LSR: variants seen among roughly 807,000 people sequenced by gnomAD.
LSR encodes the protein lipolysis-stimulated lipoprotein receptor.
LSR carries 44 observed loss-of-function variants against 61.8 expected under a neutral mutation model. That is an observed-to-expected ratio of 0.71 (90% CI 0.56 to 0.91). The LOEUF (loss-of-function observed/expected upper bound fraction) is 0.91, where lower values mean the gene tolerates loss of function less well. LSR is among the 40% of genes least tolerant of loss of function. The pLI, the probability that LSR is intolerant of heterozygous loss-of-function variation, is 0.00. For missense variants in LSR, 911 were observed against 830.5 expected (o/e 1.10, Z -1.19); for synonymous variants, 397 against 350.6 (o/e 1.13, Z -1.48).
At chr19:35,258,340 G>A (rs1416949584) in intron 2 of LSR, among the ~76,000 whole-genome samples, 2 of 152,142 alleles carry the variant, frequency 1.3e-5, no homozygotes, top group Non-Finnish European at 2.9e-5. Flanking sequence ...CAGCTACATG[G>A]GAGGCTGAGG....
intron 2 of LSR, among the ~76,000 whole-genome samples, chr19:35,256,825 G>T (rs911568498): frequency 6.6e-6 from 1 of 151,850 alleles, no homozygotes; most frequent in African/African-American, 2.4e-5. Context: ...GAGGAGAGGG[G>T]GTTCGTTTCC....
At position 35,262,600 on chromosome 19, in the gene LSR, T is replaced by C; in HGVS notation, c.686T>C (p.Leu229Pro). ...GCTGCCTTCCTCATCTTCCTCCTCC[T>C]GGGCATCTGCTGGTGCCAGTGCTGC... ...CLAAFLIFLL[L>P]GICWCQCCPH... The change falls in exon 5 of 10, where the codon CTG (leucine) becomes CCG (proline). Residue 229 changes from leucine to proline, a missense_variant. Physicochemically the swap from Leu to Pro is moderately conservative, Grantham distance 98. Coordinates refer to ENST00000605618, the MANE Select transcript of LSR (RefSeq NM_205834.4). The C allele has an allele frequency of 6.2e-7, 1 of 1,614,246 alleles. No homozygotes were observed. Among genetic ancestry groups the C allele is most frequent in the Non-Finnish European group, 8.5e-7 (1 of 1,180,036 alleles).
intron 4 of LSR, among the ~76,000 whole-genome samples, chr19:35,262,265 G>A (rs988010809): frequency 6.6e-6 from 1 of 152,108 alleles, no homozygotes; most frequent in African/African-American, 2.4e-5. Context: ...TGGTCTGGGG[G>A]CTGCAGTCTG....
rs1320074655 is a variant in LSR at position 35,262,546 on chromosome 19, A to G, written c.632A>G (p.Asp211Gly). The G allele has an allele frequency of 3.1e-6, 5 of 1,614,136 alleles. No individual in the cohort carries two copies. Among genetic ancestry groups the G allele is most frequent in the Non-Finnish European group, 4.2e-6 (5 of 1,180,010 alleles). ...CTCAGGGCCTGTTGTCTTTCTGCAG[A>G]CTGGCTCTTCGTGGTTGTGGTATGC... ...LPGFQAGPIE[D>G]WLFVVVVCLA... is the part of the protein sequence containing the mutation. The change falls in exon 5 of 10, where the codon GAC becomes GGC. Residue 211 changes from aspartate to glycine, a missense_variant and splice_region_variant. Transcript: ENST00000605618.
intron 2 of LSR, among the ~76,000 whole-genome samples, chr19:35,258,072 G>A (rs1033618369): frequency 7.9e-5 from 12 of 152,150 alleles, no homozygotes; most frequent in African/African-American, 2.9e-4. Context: ...GTCTACACTA[G>A]GCCCTGTGGG....
chr19:35,250,655 C>T lies in LSR; in HGVS notation c.450C>T (p.Thr150=), dbSNP rs375950897. 25 of 1,554,112 alleles carry T rather than the reference C, an allele frequency of 1.6e-5. No homozygotes were observed. The highest frequency in any genetic ancestry group is 2.7e-5 in the African/African-American group (2 of 73,938). ...DYYQGRRITI[T]GNADLTFDQT... ...ACCAGGGCCGGAGGATTACCATCAC[C>T]GGAAGTATGTTGGGCAGGGCAGGGG... The change falls in exon 2 of 10, where the codon ACC becomes ACT. Residue 150 remains threonine, a synonymous_variant. Transcript: ENST00000605618.
chr19:35,249,047 TC>T lies in LSR; in HGVS notation c.27del (p.Arg10GlufsTer35). On this transcript the variant is annotated frameshift_variant, in exon 1 of 10. Coordinates refer to ENST00000605618, the MANE Select transcript of LSR (RefSeq NM_205834.4). LOFTEE classifies it high-confidence loss of function. MALLAGGLSRGLGSHPAAA... is the reference protein window; with the variant it reads MALLAGGLXRGLGSHPAAA... ...GATGGCGCTGTTGGCCGGCGGGCTC[TC>T]CAGAGGGCTGGGCTCCCACCCGGCC... The T allele has an allele frequency of 1.3e-6, 2 of 1,587,676 alleles. No homozygotes were observed. The highest frequency in any genetic ancestry group is 1.7e-6 in the Non-Finnish European group (2 of 1,167,966).
chr19:35,262,877 GTTTATT>G (rs1158966074), intron 5 of LSR, 185 bp downstream of exon 5: 27 of 628,382 alleles, frequency 4.3e-5, no homozygotes, highest in Admixed American at 1.6e-4. Context: ...CCAACTTTTA[GTTTATT>G]TTTATTTATG....
chr19:35,257,678 T>C (rs1041941602), intron 2 of LSR, among the ~76,000 whole-genome samples: 3 of 152,066 alleles, frequency 2.0e-5, no homozygotes, highest in Non-Finnish European at 4.4e-5. Context: ...CTGAGGGCAT[T>C]TCCTGCCCGA....
At position 35,254,683 on chromosome 19, in the gene LSR, T is replaced by A. The variant is rs114795519; in HGVS notation, c.454+4024T>A. The stretch of plus-strand genomic sequence containing the variant: ...AGAGGTTGGAGATGTGGAGGAGGCC[T>A]GGCTGCTGTTCCCACTGGAGACCTG... On this transcript the variant is annotated intron_variant, in intron 2 of 9. Transcript: ENST00000605618. Among the ~76,000 whole-genome samples the A allele has an allele frequency of 6.1e-3, 932 of 152,276 alleles. 12 individuals carry two copies. The highest frequency in any genetic ancestry group is 0.021 in the African/African-American group (865 of 41,562).
At chr19:35,252,806 A>C (rs1463660016) in intron 2 of LSR, among the ~76,000 whole-genome samples, 2 of 151,998 alleles carry the variant, frequency 1.3e-5, no homozygotes, top group African/African-American at 4.8e-5. Context: ...TGAGCCTAGG[A>C]GTTTGAGACC....
In LSR at chr19:35,266,301, T is replaced by C. The variant is rs529894398; in HGVS notation, c.779-58T>C. On this transcript the variant is annotated intron_variant, in intron 5 of 9. Transcript: ENST00000605618. ...CCAGGTCCCTCCGGAACCCAATGGGTATGGGGCAGCCTGGCTCCTGCCTCA... is the reference window on the plus strand; with the variant it reads ...CCAGGTCCCTCCGGAACCCAATGGGCATGGGGCAGCCTGGCTCCTGCCTCA... 1.7e-5 allele frequency: 25 copies of C among 1,439,236 alleles called. No homozygotes were observed. In the Admixed American group the frequency reaches 4.7e-4, roughly 27 times the overall value. The allele number at this position is 1,439,236 out of a possible 1,614,324, so 89.2% of individuals were successfully genotyped here. A position where few individuals can be genotyped will look rare whatever the true frequency, so the allele number is the denominator to read the frequency against.
chr19:35,267,960 CACAAGCTCTGGAGA>C, exon 10 of LSR: 6 of 1,416,970 alleles, frequency 4.2e-6, no homozygotes, highest in Non-Finnish European at 5.9e-6. Flanking sequence ...AACGTATAAT[CACAAGCTCTGGAGA>C]GAACCATTTG....
chr19:35,265,177 T>C (rs2065980775), intron 5 of LSR, among the ~76,000 whole-genome samples: 1 of 152,178 alleles, frequency 6.6e-6, no homozygotes, highest in Admixed American at 6.5e-5. Flanking sequence ...AGCTGACAGC[T>C]TTTTGCTCAG....
At chr19:35,250,754 T>G in intron 2 of LSR, 95 bp downstream of exon 2, 3 of 951,150 alleles carry the variant, frequency 3.2e-6, no homozygotes, top group Non-Finnish European at 3.0e-6. Flanking sequence ...CTGAAAGCTC[T>G]TGAGTGCCAG....
intron 4 of LSR, 118 bp from the exon 5 acceptor site, chr19:35,262,428 G>A (rs2065942080): frequency 8.5e-7 from 1 of 1,181,438 alleles, no homozygotes; most frequent in African/African-American, 1.5e-5. Flanking sequence ...AGGTTCCTTG[G>A]TGAGCTTTGC....
intron 2 of LSR, among the ~76,000 whole-genome samples, chr19:35,257,259 C>T (rs750786185): frequency 6.6e-6 from 1 of 152,132 alleles, no homozygotes; most frequent in Non-Finnish European, 1.5e-5. Context: ...AAAGGATGGT[C>T]GGCCCCTAAG....
intron 5 of LSR, among the ~76,000 whole-genome samples, chr19:35,263,550 C>T (rs2103412): frequency 7.2e-5 from 11 of 152,158 alleles, no homozygotes; most frequent in South Asian, 4.1e-4. Flanking sequence ...TTTGTAGAGA[C>T]GGGGTCTCAG....
chr19:35,250,803 T>TG (rs2065784204), intron 2 of LSR, 144 bp downstream of exon 2: 2 of 608,580 alleles, frequency 3.3e-6, no homozygotes, highest in Middle Eastern at 4.5e-4. Context: ...TTCTTTTTTT[T>TG]TTTTTTTTTG....
Sources: gnomAD v4.1 joint callset for allele counts (sites outside exome capture counted in the v4.1 genomes callset) on GRCh38, gnomAD v4.1.1 for gene constraint, MANE v1.5 for transcripts, NCBI Gene and HGNC (gene_info 2026-07-23, HGNC 2026-07-21) for gene names.